Variants in LAMA2 observed in about 807,000 individuals in gnomAD.
LAMA2 encodes the protein laminin subunit alpha-2.
LAMA2 carries 269 observed loss-of-function variants against 364.8 expected under a neutral mutation model. The ratio of observed to expected loss-of-function variants is 0.74; its 90% CI spans 0.67 to 0.82. LAMA2 has a LOEUF of 0.82. Ranked by LOEUF, LAMA2 falls within the 40% of genes least tolerant of loss-of-function variation. The pLI, the probability that LAMA2 is intolerant of heterozygous loss-of-function variation, is 0.00. For synonymous variants in LAMA2, 1,379 were observed against 1,370.6 expected, an observed-to-expected ratio of 1.01 and a Z score of -0.14; for missense variants, 3,807 against 3,873.2, an observed-to-expected ratio of 0.98 and a Z score of 0.45.
intron 14 of LAMA2, among the ~76,000 whole-genome samples, chr6:129,254,058 G>C (rs1009000088): frequency 6.6e-6 from 1 of 152,218 alleles, no homozygotes; most frequent in Non-Finnish European, 1.5e-5. Flanking sequence ...TCTACTAGTA[G>C]ATTGAGTCAT....
intron 1 of LAMA2, among the ~76,000 whole-genome samples, chr6:128,914,212 C>G (rs1239487710): frequency 6.6e-6 from 1 of 152,090 alleles, no homozygotes; most frequent in African/African-American, 2.4e-5. Flanking sequence ...TGTCACAACT[C>G]CCAAAAACCA....
chr6:129,438,640 T>C lies in LAMA2; in HGVS notation c.5969-6T>C, dbSNP rs201913996. The stretch of plus-strand genomic sequence containing the variant: ...TTTAATCCTTTTTTTTGTTTTTTAT[T>C]CGCAGAAAATGAAGACCATCTAAAT... On this transcript the variant is annotated splice_polypyrimidine_tract_variant and splice_region_variant and intron_variant, in intron 41 of 64. Transcript: ENST00000421865. The C allele has an allele frequency of 5.8e-5, 84 of 1,457,948 alleles. No homozygotes were observed. Among genetic ancestry groups the C allele is most frequent in the Non-Finnish European group, 7.3e-5 (76 of 1,038,144 alleles). 90.3% of individuals were successfully genotyped at this position (1,457,948 alleles called of 1,614,324 possible).
In LAMA2 at chr6:128,985,501, GAACAA is replaced by G. The variant is rs1236248401; in HGVS notation, c.113-64409_113-64405del. On this transcript the variant is annotated intron_variant, in intron 1 of 64. Coordinates refer to ENST00000421865, the MANE Select transcript of LAMA2 (RefSeq NM_000426.4). ...GAAATGTCAAGAAAATGACACACAA[GAACAA>G]AACAAAAGAAAAATTCAGTTTAGAG... 2.6e-5 allele frequency among the ~76,000 whole-genome samples: 4 copies of G among 151,838 alleles called. No individual in the cohort carries two copies. The East Asian group carries it at 5.8e-4, about 22-fold the overall frequency.
At chr6:129,483,065 T>C (rs2784903) in intron 55 of LAMA2, among the ~76,000 whole-genome samples, 3,188 of 63,008 alleles carry the variant, frequency 0.051, 76 homozygotes, top group African/African-American at 0.17. Context: ...AGACTCCGAC[T>C]CGAAAAAAAA....
chr6:129,450,728 A>G (rs1782633447), intron 45 of LAMA2, among the ~76,000 whole-genome samples: 1 of 152,234 alleles, frequency 6.6e-6, no homozygotes, highest in Non-Finnish European at 1.5e-5. Context: ...GAAGTAAACT[A>G]CATACAGTCG....
At chr6:129,404,290 A>C (rs34988037) in intron 40 of LAMA2, among the ~76,000 whole-genome samples, 75,748 of 151,420 alleles carry the variant, frequency 0.5, 19,397 homozygotes, top group African/African-American at 0.61. Context: ...TTAGTAAAAA[A>C]GAAAAAAAAG....
chr6:129,458,485 T>C (rs1423922972), intron 48 of LAMA2, among the ~76,000 whole-genome samples: 1 of 151,962 alleles, frequency 6.6e-6, no homozygotes, highest in African/African-American at 2.4e-5. Flanking sequence ...TAAATGAACT[T>C]GCTCATGAGA....
intron 1 of LAMA2, among the ~76,000 whole-genome samples, chr6:128,996,600 G>T (rs1162009296): frequency 1.3e-5 from 2 of 152,196 alleles, no homozygotes; most frequent in Non-Finnish European, 2.9e-5. Flanking sequence ...CAGTTAGAAT[G>T]GCGATCATTA....
intron 14 of LAMA2, among the ~76,000 whole-genome samples, chr6:129,253,942 A>G (rs1786447398): frequency 1.3e-5 from 2 of 152,210 alleles, no homozygotes; most frequent in Non-Finnish European, 2.9e-5. Context: ...CTGTGGTTCA[A>G]TAAGTAAAAG....
At chr6:129,123,825 C>T (rs1432059848) in intron 4 of LAMA2, among the ~76,000 whole-genome samples, 1 of 152,116 alleles carries the variant, frequency 6.6e-6, no homozygotes, top group Non-Finnish European at 1.5e-5. Context: ...CCGCATAGTG[C>T]CTAGACTTAA....
Position 129,472,211 on chromosome 6 carries a change from C to A in LAMA2, c.7301-1003C>A, listed in dbSNP as rs148068659. Among the ~76,000 whole-genome samples the A allele has an allele frequency of 1.4e-3, 213 of 151,998 alleles. 1 individual carries two copies. The highest frequency in any genetic ancestry group is 4.9e-3 in the African/African-American group (205 of 41,506). ...CCAGGAACATCCAAGAAACTAGCATCCTAAAGAATAAACATTTAGAAATTC... is the reference window on the plus strand; with the variant it reads ...CCAGGAACATCCAAGAAACTAGCATACTAAAGAATAAACATTTAGAAATTC... On this transcript the variant is annotated intron_variant, in intron 51 of 64. Transcript: ENST00000421865.
At chr6:129,343,767 A>G (rs182044840) in intron 30 of LAMA2, among the ~76,000 whole-genome samples, 1 of 152,282 alleles carries the variant, frequency 6.6e-6, no homozygotes, top group African/African-American at 2.4e-5. Context: ...ATCAACTTAA[A>G]TGTAAAGAAA....
chr6:129,016,957 C>A (rs1785116714), intron 1 of LAMA2, among the ~76,000 whole-genome samples: 1 of 151,688 alleles, frequency 6.6e-6, no homozygotes, highest in Non-Finnish European at 1.5e-5. Flanking sequence ...CACCCCATTT[C>A]CTTGTCACTA....
intron 1 of LAMA2, among the ~76,000 whole-genome samples, chr6:128,899,890 T>G (rs1176202118): frequency 6.6e-6 from 1 of 152,176 alleles, no homozygotes; most frequent in Non-Finnish European, 1.5e-5. Flanking sequence ...AAGGTCTTTT[T>G]GGATGAGAAT....
At chr6:129,106,889 T>TATATAC (rs1322580345) in intron 4 of LAMA2, among the ~76,000 whole-genome samples, 15 of 149,346 alleles carry the variant, frequency 1.0e-4, no homozygotes, top group African/African-American at 3.2e-4. Context: ...TATATATATA[T>TATATAC]ACAATGCCCA....
At chr6:129,138,627 A>G (rs923334376) in intron 4 of LAMA2, among the ~76,000 whole-genome samples, 86 of 152,268 alleles carry the variant, frequency 5.6e-4, no homozygotes, top group African/African-American at 2.0e-3. Flanking sequence ...TGGTACTTTC[A>G]TATTTTATAA....
At chr6:129,179,060 C>T (rs1780779174) in intron 10 of LAMA2, among the ~76,000 whole-genome samples, 1 of 151,814 alleles carries the variant, frequency 6.6e-6, no homozygotes, top group South Asian at 2.1e-4. Context: ...CATTTCATTC[C>T]AATATTATCT....
chr6:128,904,144 A>G (rs1777264643), intron 1 of LAMA2, among the ~76,000 whole-genome samples: 1 of 152,080 alleles, frequency 6.6e-6, no homozygotes, highest in Non-Finnish European at 1.5e-5. Context: ...GGTCAAGATC[A>G]CTCACTAGGT....
intron 1 of LAMA2, among the ~76,000 whole-genome samples, chr6:128,910,150 CT>C (rs1777800503): frequency 6.7e-6 from 1 of 149,300 alleles, no homozygotes; most frequent in East Asian, 2.0e-4. Context: ...TCTTTGTGGC[CT>C]TCTCTGTATT....
Sources: allele counts gnomAD v4.1 joint callset (sites outside exome capture counted in the v4.1 genomes callset), GRCh38; gene constraint gnomAD v4.1.1; transcripts MANE v1.5; gene names NCBI Gene and HGNC (gene_info 2026-07-23, HGNC 2026-07-21).